PDPR: variants seen among roughly 807,000 people sequenced by gnomAD.
PDPR encodes pyruvate dehydrogenase phosphatase regulatory subunit, also known as pyruvate dehydrogenase phosphatase regulatory subunit, mitochondrial.
PDPR carries 50 observed loss-of-function variants against 102.2 expected under a neutral mutation model. The ratio of observed to expected loss-of-function variants is 0.49; its 90% CI spans 0.39 to 0.62. PDPR has a LOEUF of 0.62. PDPR is among the 20% of genes least tolerant of loss of function. The pLI is 0.00. For synonymous variants in PDPR, 259 were observed against 406.0 expected (o/e 0.64, Z 4.35); for missense variants, 625 against 1,098.2 (o/e 0.57, Z 6.09).
chr16:70,131,507 G>A (rs1964535341), intron 8 of PDPR, 88 bp downstream of exon 8: 4 of 1,310,376 alleles, frequency 3.1e-6, no homozygotes, highest in Admixed American at 2.1e-5. Flanking sequence ...AGGACAGCCT[G>A]TGTCTGAAAG....
chr16:70,129,718 A>G (rs1964344496), intron 6 of PDPR, among the ~76,000 whole-genome samples: 1 of 152,256 alleles, frequency 6.6e-6, no homozygotes, highest in Non-Finnish European at 1.5e-5. Flanking sequence ...GTGAAAACAC[A>G]CCTTGGAAGT....
At chr16:70,143,956 ATCATGGATC>A (rs1965998933) in intron 14 of PDPR, among the ~76,000 whole-genome samples, 1 of 151,964 alleles carries the variant, frequency 6.6e-6, no homozygotes, top group Admixed American at 6.6e-5. Context: ...CAGTGATGCG[ATCATGGATC>A]CCTGCAGCCT....
chr16:70,142,809 A>C (rs556135147), intron 13 of PDPR, 123 bp downstream of exon 13: 67 of 1,386,804 alleles, frequency 4.8e-5, no homozygotes, highest in East Asian at 2.8e-4. Context: ...CTGTATTCCC[A>C]GCACTTTGGG....
At chr16:70,132,809 C>T (rs1480422143) in intron 9 of PDPR, among the ~76,000 whole-genome samples, 1 of 152,208 alleles carries the variant, frequency 6.6e-6, no homozygotes, top group East Asian at 1.9e-4. Flanking sequence ...GTTTAGTCAT[C>T]TCTATCATTT....
At chr16:70,126,457 G>A (rs1334976203) in intron 3 of PDPR, among the ~76,000 whole-genome samples, 4 of 152,242 alleles carry the variant, frequency 2.6e-5, no homozygotes, top group Non-Finnish European at 4.4e-5. Flanking sequence ...TCCACCTCCC[G>A]GGTTCATGCC....
intron 18 of PDPR, among the ~76,000 whole-genome samples, chr16:70,154,730 C>T (rs1325037998): frequency 6.6e-6 from 1 of 152,248 alleles, no homozygotes; most frequent in African/African-American, 2.4e-5. Flanking sequence ...GCAATGCCCT[C>T]TCATGCTCAA....
chr16:70,136,694 G>C (rs1473507044), intron 10 of PDPR, among the ~76,000 whole-genome samples: 1 of 152,178 alleles, frequency 6.6e-6, no homozygotes, highest in African/African-American at 2.4e-5. Context: ...GTGTATTTGA[G>C]TTTGGTAGCC....
intron 3 of PDPR, among the ~76,000 whole-genome samples, chr16:70,124,028 C>A (rs1472385450): frequency 3.3e-5 from 5 of 150,804 alleles, no homozygotes; most frequent in Non-Finnish European, 7.4e-5. Context: ...GCACCCCAGC[C>A]TGGGCGACAG....
At chr16:70,113,997 T>G (rs1962374197), upstream of PDPR, 1 of 151,746 alleles carries the variant, frequency 6.6e-6, no homozygotes, top group Non-Finnish European at 1.5e-5. Flanking sequence ...ACTCCCGCGC[T>G]CCCCACACTC....
In PDPR at chr16:70,162,482, TTCTTC is replaced by T. The variant is rs1480540966; in HGVS notation, c.*5606_*5610del. ...CCACCAAGCAAGGTTTCCACTGAGT[TTCTTC>T]TCATGTTACTGGGTTTGTAAATGAA... On this transcript the variant is annotated 3_prime_UTR_variant, in exon 19 of 19. Transcript: ENST00000288050. 12 of 152,498 alleles carry T rather than the reference TTCTTC, an allele frequency of 7.9e-5. No homozygotes were observed. The highest frequency in any genetic ancestry group is 2.7e-4 in the African/African-American group (11 of 41,480). The allele number at this position is 152,498 out of a possible 1,614,324, so 9.4% of individuals were successfully genotyped here.
chr16:70,154,586 G>A (rs1227862687), intron 18 of PDPR, among the ~76,000 whole-genome samples: 4 of 152,386 alleles, frequency 2.6e-5, no homozygotes, highest in African/African-American at 7.2e-5. Context: ...AACATGCCAC[G>A]AATATTTGTA....
At chr16:70,146,347 G>T (rs1482273973) in intron 16 of PDPR, 119 bp downstream of exon 16, 37 of 1,495,478 alleles carry the variant, frequency 2.5e-5, no homozygotes, top group Non-Finnish European at 3.3e-5. Context: ...GGCTGGGTGA[G>T]GTGGCACATG....
intron 3 of PDPR, among the ~76,000 whole-genome samples, chr16:70,125,353 G>A (rs1457302410): frequency 6.6e-6 from 1 of 152,038 alleles, no homozygotes; most frequent in African/African-American, 2.4e-5. Flanking sequence ...TCCAATCTGA[G>A]TGACGAGCAA....
intron 17 of PDPR, among the ~76,000 whole-genome samples, chr16:70,150,116 T>C (rs1213371323): frequency 1.4e-5 from 2 of 146,418 alleles, no homozygotes; most frequent in Admixed American, 1.4e-4. Flanking sequence ...TTCTTTTTTT[T>C]TTTTGAGATG....
chr16:70,114,217 G>A (rs550138122), upstream of PDPR: 1 of 152,248 alleles, frequency 6.6e-6, no homozygotes, highest in Non-Finnish European at 1.5e-5. Flanking sequence ...CGGCGCGCTC[G>A]TGCGCTGCTG....
At position 70,149,574 on chromosome 16, in the gene PDPR, C is replaced by T. The variant is rs932888479; in HGVS notation, c.2052+1021C>T. 2.0e-5 allele frequency among the ~76,000 whole-genome samples: 3 copies of T among 152,310 alleles called. No homozygotes were observed. In the South Asian group the frequency reaches 6.2e-4, roughly 32 times the overall value. ...AGCTACCATGCCCGGCCTCACTTCA[C>T]AATTTCTCTTAGAGCTCTTTCTTTG... On this transcript the variant is annotated intron_variant, in intron 17 of 18. Transcript: ENST00000288050.
At chr16:70,152,133 C>T (rs1431181694) in intron 17 of PDPR, among the ~76,000 whole-genome samples, 2 of 152,404 alleles carry the variant, frequency 1.3e-5, no homozygotes, top group South Asian at 2.1e-4. Flanking sequence ...CTGTGGGTCT[C>T]CTGCACCCAC....
intron 2 of PDPR, among the ~76,000 whole-genome samples, chr16:70,118,113 T>A (rs542632891): frequency 7.5e-5 from 11 of 147,076 alleles, no homozygotes; most frequent in African/African-American, 2.7e-4. Flanking sequence ...AAAAAATTGC[T>A]GAGGAAAAGC....
At chr16:70,120,824 C>T (rs1421020827) in intron 3 of PDPR, 105 bp downstream of exon 3, 1 of 754,048 alleles carries the variant, frequency 1.3e-6, no homozygotes, top group East Asian at 2.6e-5. Flanking sequence ...CTAAATGTTG[C>T]TAAGTAGCAT....
Sources: allele counts gnomAD v4.1 joint callset (sites outside exome capture counted in the v4.1 genomes callset), GRCh38; gene constraint gnomAD v4.1.1; transcripts MANE v1.5; gene names NCBI Gene and HGNC (gene_info 2026-07-23, HGNC 2026-07-21).